HAPSTR1: variants seen among roughly 807,000 people sequenced by gnomAD.
HAPSTR1 encodes HUWE1 associated protein modifying stress responses, also known as HUWE1-associated protein modifying stress responses 1.
At chr16:9,110,533 A>G in the HAPSTR1 span, 1 of 152,246 alleles carries the variant, frequency 6.6e-6, no homozygotes, top group African/African-American at 2.4e-5. Flanking sequence ...TGATATAGAA[A>G]GGAAGTTACC....
At chr16:9,093,043 G>A in the HAPSTR1 span, 1 of 1,552,686 alleles carries the variant, frequency 6.4e-7, no homozygotes, top group Admixed American at 1.8e-5. Flanking sequence ...GGGAAGGGCC[G>A]CCTGCGTCAG....
chr16:9,113,929 T>C, the HAPSTR1 span, among the ~76,000 whole-genome samples: 7 of 152,198 alleles, frequency 4.6e-5, no homozygotes, highest in Non-Finnish European at 1.0e-4. Context: ...ACATCAACAG[T>C]TGAACCTTTG....
the HAPSTR1 span, among the ~76,000 whole-genome samples, chr16:9,097,572 G>T: frequency 6.6e-6 from 1 of 152,166 alleles, no homozygotes; most frequent in South Asian, 2.1e-4. Context: ...TATGTTGGTT[G>T]CAAGTATGAG....
the HAPSTR1 span, chr16:9,120,166 A>C: frequency 6.6e-6 from 1 of 152,214 alleles, no homozygotes; most frequent in East Asian, 1.9e-4. Flanking sequence ...GAGGATGGGA[A>C]TCTTCAGAGA....
At chr16:9,115,728 C>T in the HAPSTR1 span, among the ~76,000 whole-genome samples, 2 of 152,178 alleles carry the variant, frequency 1.3e-5, no homozygotes, top group Non-Finnish European at 2.9e-5. Context: ...GATTCTCCTC[C>T]TTAGCCTCCC....
the HAPSTR1 span, chr16:9,119,303 A>G: frequency 6.6e-6 from 1 of 152,248 alleles, no homozygotes; most frequent in Non-Finnish European, 1.5e-5. Context: ...AAAACAAATC[A>G]TGGAAGATTG....
the HAPSTR1 span, chr16:9,116,988 A>C: frequency 6.4e-7 from 1 of 1,564,840 alleles, no homozygotes. Context: ...TTGCAAAGGA[A>C]ACATGAGGCC....
chr16:9,101,715 C>T, the HAPSTR1 span, among the ~76,000 whole-genome samples: 1 of 149,664 alleles, frequency 6.7e-6, no homozygotes, highest in Admixed American at 6.7e-5. Flanking sequence ...GCAAATTCAG[C>T]TTGGCATCCT....
At chr16:9,092,073 C>G in the HAPSTR1 span, 1 of 1,535,884 alleles carries the variant, frequency 6.5e-7, no homozygotes, top group Non-Finnish European at 8.8e-7. Flanking sequence ...GAGGGCGAGG[C>G]CGAGATCCAG....
At chr16:9,116,625 T>C in the HAPSTR1 span, 1 of 1,596,068 alleles carries the variant, frequency 6.3e-7, no homozygotes, top group African/African-American at 1.3e-5. Context: ...TTCAAAAGGG[T>C]TACATAATTG....
chr16:9,096,228 A>G, the HAPSTR1 span, among the ~76,000 whole-genome samples: 2 of 152,188 alleles, frequency 1.3e-5, no homozygotes, highest in Non-Finnish European at 2.9e-5. Flanking sequence ...TGGCATAGTG[A>G]GTGCTCTGGC....
At chr16:9,110,832 G>A in the HAPSTR1 span, 2 of 152,366 alleles carry the variant, frequency 1.3e-5, no homozygotes, top group African/African-American at 4.8e-5. Flanking sequence ...GAGGTCAGGA[G>A]TTTGAGACCG....
chr16:9,109,564 T>C, the HAPSTR1 span: 2 of 152,186 alleles, frequency 1.3e-5, no homozygotes, highest in African/African-American at 4.8e-5. Context: ...GAGTTGTCTC[T>C]CTGTAAAGTT....
the HAPSTR1 span, chr16:9,117,127 C>T: frequency 6.3e-6 from 4 of 638,496 alleles, no homozygotes; most frequent in Non-Finnish European, 1.0e-5. Flanking sequence ...TAGCAGAGGA[C>T]ATCAGATATT....
At chr16:9,094,106 A>G in the HAPSTR1 span, among the ~76,000 whole-genome samples, 1 of 152,194 alleles carries the variant, frequency 6.6e-6, no homozygotes, top group Admixed American at 6.5e-5. Flanking sequence ...TCTTGTAGGA[A>G]AAAATATCTC....
At chr16:9,113,904 T>G in the HAPSTR1 span, among the ~76,000 whole-genome samples, 1 of 152,170 alleles carries the variant, frequency 6.6e-6, no homozygotes, top group Non-Finnish European at 1.5e-5. Context: ...TTTCTGGTGT[T>G]GGAGAGGTGA....
chr16:9,108,339 T>G, the HAPSTR1 span: 1 of 152,210 alleles, frequency 6.6e-6, no homozygotes, highest in African/African-American at 2.4e-5. Flanking sequence ...TAATTTTCAA[T>G]ATATTTATTT....
the HAPSTR1 span, chr16:9,104,178 G>A: frequency 4.0e-5 from 6 of 150,246 alleles, no homozygotes; most frequent in South Asian, 2.1e-4. Context: ...GCATTGGCGC[G>A]ATATTGGCTC....
the HAPSTR1 span, chr16:9,118,478 T>C: frequency 6.6e-6 from 1 of 152,664 alleles, no homozygotes; most frequent in East Asian, 1.9e-4. Flanking sequence ...ATGTTAGAAA[T>C]GTTGTGTGAA....
Sources: gnomAD v4.1 joint callset for allele counts (sites outside exome capture counted in the v4.1 genomes callset) on GRCh38, gnomAD v4.1.1 for gene constraint, MANE v1.5 for transcripts, NCBI Gene and HGNC (gene_info 2026-07-23, HGNC 2026-07-21) for gene names.